CKAP2L: variants seen among roughly 807,000 people sequenced by gnomAD.
CKAP2L encodes cytoskeleton-associated protein 2-like.
CKAP2L carries 42 observed loss-of-function variants against 65.7 expected under a neutral mutation model. That is an observed-to-expected ratio of 0.64 (90% CI 0.50 to 0.83). The LOEUF (loss-of-function observed/expected upper bound fraction) is 0.83, where lower values mean the gene tolerates loss of function less well. CKAP2L is among the 40% of genes least tolerant of loss of function. The pLI is 0.00. For synonymous variants in CKAP2L, 325 were observed against 313.5 expected (o/e 1.04, Z -0.39); for missense variants, 908 against 871.0 (o/e 1.04, Z -0.53).
Position 112,746,443 on chromosome 2 carries a change from C to T in CKAP2L, c.1735G>A (p.Glu579Lys). 1 of 1,611,952 alleles carries T rather than the reference C, an allele frequency of 6.2e-7. No individual in the cohort carries two copies. The highest frequency in any genetic ancestry group is 8.5e-7 in the Non-Finnish European group (1 of 1,178,538). Residue 579 changes from glutamate (E) to lysine (K), a missense_variant, in exon 6 of 9, where the codon GAG becomes AAG. Transcript: ENST00000302450. ...GTFDVIGLYE[E>K]AIKNGATPIQ... ...ACTGTTGCCCCATTTTTAATGGCCT[C>T]TTCATATAGCCCAATAACATCAAAG... is the stretch of plus-strand genomic sequence containing the variant.
In CKAP2L at chr2:112,736,377, A is replaced by G. The variant is rs1208293728; in HGVS notation, c.*2446T>C. Among the ~76,000 whole-genome samples, 1 of 152,194 alleles carries G rather than the reference A, an allele frequency of 6.6e-6. No individual in the cohort carries two copies. The highest frequency in any genetic ancestry group is 1.5e-5 in the Non-Finnish European group (1 of 68,032). On this transcript the variant is annotated 3_prime_UTR_variant, in exon 9 of 9. Transcript: ENST00000302450. ...TGGTGACAATTTTATTTTATTAGGT[A>G]TATTTAAGATTTACAACATGATGTT...
At position 112,738,416 on chromosome 2, in the gene CKAP2L, GC is replaced by G. The variant is rs1399165826; in HGVS notation, c.*406del. 5.6e-6 allele frequency: 1 copy of G among 179,644 alleles called. No homozygotes were observed. Among genetic ancestry groups the G allele is most frequent in the Non-Finnish European group, 1.2e-5 (1 of 84,940 alleles). The allele number at this position is 179,644 out of a possible 1,614,324, so 11.1% of individuals were successfully genotyped here. A position where few individuals can be genotyped will look rare whatever the true frequency, so the allele number is the denominator to read the frequency against. ...AAGGTCCATTCAGCCTGTCAAGCTA[GC>G]GTCAAAGTTCAGATCTTCCACGATG... On this transcript the variant is annotated 3_prime_UTR_variant, in exon 9 of 9. Transcript: ENST00000302450.
intron 5 of CKAP2L, among the ~76,000 whole-genome samples, chr2:112,747,787 T>TA (rs1680249840): frequency 6.6e-6 from 1 of 152,190 alleles, no homozygotes; most frequent in African/African-American, 2.4e-5. Flanking sequence ...GAAAGAGGCA[T>TA]AAAACTCAAC....
At chr2:112,743,599 G>T (rs1680100413) in intron 6 of CKAP2L, among the ~76,000 whole-genome samples, 2 of 152,008 alleles carry the variant, frequency 1.3e-5, no homozygotes, top group Admixed American at 1.3e-4. Flanking sequence ...CACCCCATCT[G>T]GCTAATTTTT....
chr2:112,757,852 C>T (rs555384036), intron 3 of CKAP2L, among the ~76,000 whole-genome samples: 1 of 152,308 alleles, frequency 6.6e-6, no homozygotes, highest in East Asian at 1.9e-4. Flanking sequence ...CCTAAGTGCC[C>T]TCCAAAGAAC....
At position 112,741,005 on chromosome 2, in the gene CKAP2L, T is replaced by C. The variant is rs1679908256; in HGVS notation, c.1825A>G (p.Ile609Val). ...TCAGCAACTAAAGAGTCAGAAGTAA[T>C]CCCTGTGTATGTAAGATCATGAAGG... ...LQDSNRTTEG[I>V]TSDSLVAETS... The change falls in exon 8 of 9, where the codon ATT becomes GTT. Residue 609 changes from isoleucine to valine, a missense_variant and splice_region_variant. Transcript: ENST00000302450. 1.9e-6 allele frequency: 3 copies of C among 1,602,652 alleles called. No homozygotes were observed. Among genetic ancestry groups the C allele is most frequent in the Non-Finnish European group, 2.6e-6 (3 of 1,170,396 alleles).
chr2:112,739,212 G>C (rs1679666213), intron 8 of CKAP2L, among the ~76,000 whole-genome samples, 164 bp from the exon 9 acceptor site: 2 of 152,078 alleles, frequency 1.3e-5, no homozygotes, highest in South Asian at 2.1e-4. Context: ...CTTTTTCTAG[G>C]AGTTCGAGAC....
rs887476428 is a variant in CKAP2L at position 112,736,675 on chromosome 2, T to C, written c.*2148A>G. 3 of 152,200 alleles carry C rather than the reference T, an allele frequency of 2.0e-5. No individual in the cohort carries two copies. The highest frequency in any genetic ancestry group is 2.9e-5 in the Non-Finnish European group (2 of 68,030). The allele number at this position is 152,200 out of a possible 1,614,324, so 9.4% of individuals were successfully genotyped here. ...TTCTTAAAAAATTAAATATTCCATATGTGAGATCATGCAGTATTTTTCCTT... is the reference window on the plus strand; with the variant it reads ...TTCTTAAAAAATTAAATATTCCATACGTGAGATCATGCAGTATTTTTCCTT... On this transcript the variant is annotated 3_prime_UTR_variant, in exon 9 of 9. Coordinates refer to ENST00000302450, the MANE Select transcript of CKAP2L (RefSeq NM_152515.5).
In CKAP2L at chr2:112,756,398, C is replaced by T; in HGVS notation, c.973G>A (p.Glu325Lys). The change falls in exon 4 of 9, where the codon GAA becomes AAA. Residue 325 changes from glutamate (E) to lysine (K), a missense_variant. By Grantham distance (56) the Glu-to-Lys change is moderately conservative (BLOSUM62 1). Coordinates refer to ENST00000302450, the MANE Select transcript of CKAP2L (RefSeq NM_152515.5). ...GGTTTGGTGTGCTTCACTCTCTGTT[C>T]AGTAACAGGGTATGACCGTATCTTA... ...ETKIRSYPVTEQRVKHTKPRT... is the reference protein window; with the variant it reads ...ETKIRSYPVTKQRVKHTKPRT... 6.2e-7 allele frequency: 1 copy of T among 1,614,048 alleles called. No individual in the cohort carries two copies. Among genetic ancestry groups the T allele is most frequent in the Non-Finnish European group, 8.5e-7 (1 of 1,179,978 alleles).
At chr2:112,749,089 A>G (rs1238643415) in intron 5 of CKAP2L, among the ~76,000 whole-genome samples, 1 of 152,212 alleles carries the variant, frequency 6.6e-6, no homozygotes, top group Non-Finnish European at 1.5e-5. Context: ...ATCATAATAA[A>G]TGTGTACGAA....
intron 2 of CKAP2L, among the ~76,000 whole-genome samples, chr2:112,761,800 T>C (rs61388988): frequency 0.036 from 5,544 of 152,290 alleles, 353 homozygotes; most frequent in African/African-American, 0.13. Context: ...GTGACTGAGA[T>C]GTTATAGGTA....
chr2:112,761,657 C>A (rs1680727728), intron 2 of CKAP2L, among the ~76,000 whole-genome samples: 1 of 151,738 alleles, frequency 6.6e-6, no homozygotes, highest in South Asian at 2.1e-4. Context: ...TCTGCATGGA[C>A]CAAAAACAAT....
intron 4 of CKAP2L, among the ~76,000 whole-genome samples, chr2:112,753,526 CTTTT>C (rs59027525): frequency 1.0e-5 from 1 of 100,394 alleles, no homozygotes; most frequent in Non-Finnish European, 1.9e-5. Flanking sequence ...AGTTTCTTTT[CTTTT>C]TTTTTTTTTT....
chr2:112,741,850 T>G (rs1157718001), intron 7 of CKAP2L, among the ~76,000 whole-genome samples: 2 of 152,088 alleles, frequency 1.3e-5, no homozygotes, highest in African/African-American at 2.4e-5. Flanking sequence ...AAATTCCACT[T>G]TCTGGGTTCA....
intron 4 of CKAP2L, among the ~76,000 whole-genome samples, chr2:112,754,421 T>C (rs750305573): frequency 3.3e-5 from 5 of 152,242 alleles, no homozygotes; most frequent in Non-Finnish European, 7.3e-5. Flanking sequence ...ACATTTGGCA[T>C]GTGCTTCCTC....
In CKAP2L at chr2:112,756,858, A is replaced by G. The variant is rs1430372216; in HGVS notation, c.513T>C (p.Val171=). Residue 171 remains valine, a synonymous_variant, in exon 4 of 9, where the codon GTT becomes GTC. Transcript: ENST00000302450. ...KCIDFMNNIH[V]ENESLDNFLK... ...GAAAGTTATCCAAAGATTCGTTTTC[A>G]ACATGGATATTATTCATAAAGTCTA... 1.2e-6 allele frequency: 2 copies of G among 1,604,414 alleles called. No individual in the cohort carries two copies. Among genetic ancestry groups the G allele is most frequent in the Admixed American group, 3.5e-5 (2 of 57,440 alleles).
At chr2:112,752,118 C>A (rs1680387863) in intron 5 of CKAP2L, 149 bp downstream of exon 5, 1 of 608,488 alleles carries the variant, frequency 1.6e-6, no homozygotes, top group Non-Finnish European at 2.9e-6. Context: ...TGTTTATGGG[C>A]ATGTCATTAT....
rs1385627192 is a variant in CKAP2L at position 112,756,606 on chromosome 2, T to C, written c.765A>G (p.Pro255=). The C allele has an allele frequency of 8.1e-6, 13 of 1,613,264 alleles. No individual in the cohort carries two copies. The highest frequency in any genetic ancestry group is 1.3e-5 in the African/African-American group (1 of 74,840). Residue 255 remains proline (P), a synonymous_variant, in exon 4 of 9, where the codon CCA becomes CCG. Transcript: ENST00000302450. ...CTCTAGAGAGTTGCTGTGATTTTAC[T>C]GGGAAAGTCCTGCTTTGTGTTTCTC... ...FVGETQSRTF[P]VKSQQLSRGA...
At chr2:112,740,285 G>C (rs1031309135) in intron 8 of CKAP2L, among the ~76,000 whole-genome samples, 3 of 152,124 alleles carry the variant, frequency 2.0e-5, no homozygotes, top group African/African-American at 7.2e-5. Context: ...TTGTCTTGGT[G>C]CCCTTGTTTG....
Sources: gnomAD v4.1 joint callset for allele counts (sites outside exome capture counted in the v4.1 genomes callset) on GRCh38, gnomAD v4.1.1 for gene constraint, MANE v1.5 for transcripts, NCBI Gene and HGNC (gene_info 2026-07-23, HGNC 2026-07-21) for gene names.